The following SPTLC2 variants were observed in gnomAD, a reference collection of about 807,000 sequenced individuals.
SPTLC2 encodes the protein serine palmitoyltransferase 2.
Under a neutral mutation model 62.0 loss-of-function variants are expected in SPTLC2, and 21 were observed. That is an observed-to-expected ratio of 0.34 (90% CI 0.24 to 0.49). SPTLC2 has a LOEUF of 0.49. Among genes scored for constraint, SPTLC2 ranks in the 20% least tolerant of loss-of-function variants. The probability of loss-of-function intolerance (pLI) is 0.99; values close to 1 mark genes in which losing one functional copy is unlikely to be tolerated. For missense variants in SPTLC2, 511 were observed against 713.0 expected (o/e 0.72, Z 3.23); for synonymous variants, 261 against 261.8 (o/e 1.00, Z 0.03).
At chr14:77,616,043 C>T (rs2079964790) in intron 1 of SPTLC2, among the ~76,000 whole-genome samples, 1 of 152,226 alleles carries the variant, frequency 6.6e-6, no homozygotes, top group African/African-American at 2.4e-5. Context: ...CTTTGGACGA[C>T]TGCAGGACTT....
At chr14:77,611,160 G>A (rs573525358) in intron 1 of SPTLC2, among the ~76,000 whole-genome samples, 18 of 143,032 alleles carry the variant, frequency 1.3e-4, no homozygotes, top group South Asian at 4.4e-4. Context: ...AAAATTAGCC[G>A]GGTGTGTTGG....
At chr14:77,610,460 T>A (rs942288181) in intron 1 of SPTLC2, among the ~76,000 whole-genome samples, 1 of 152,096 alleles carries the variant, frequency 6.6e-6, no homozygotes, top group Admixed American at 6.6e-5. Context: ...TATTATTTTT[T>A]AATTAAATAG....
At chr14:77,545,474 G>C (rs903626806) in intron 9 of SPTLC2, among the ~76,000 whole-genome samples, 35 of 152,076 alleles carry the variant, frequency 2.3e-4, no homozygotes, top group Non-Finnish European at 1.5e-4. Flanking sequence ...TCGCCATGTT[G>C]GTCAGGCTGG....
intron 1 of SPTLC2, among the ~76,000 whole-genome samples, chr14:77,609,332 C>A (rs1284642567): frequency 6.6e-6 from 1 of 152,188 alleles, no homozygotes; most frequent in Non-Finnish European, 1.5e-5. Context: ...TGTATTAGTA[C>A]TGCATTCCTT....
intron 9 of SPTLC2, among the ~76,000 whole-genome samples, chr14:77,535,218 C>T (rs2079463159): frequency 6.6e-6 from 1 of 152,298 alleles, no homozygotes; most frequent in Non-Finnish European, 1.5e-5. Flanking sequence ...TGAGCCACCA[C>T]ACCCAGCCCC....
intron 5 of SPTLC2, among the ~76,000 whole-genome samples, chr14:77,567,240 G>A (rs1566782578): frequency 1.3e-5 from 2 of 152,200 alleles, no homozygotes; most frequent in Admixed American, 6.5e-5. Flanking sequence ...ACAGGCGTGA[G>A]CCACTGCGCC....
In SPTLC2 at chr14:77,525,349, T is replaced by C. The variant is rs184323096; in HGVS notation, c.1304-3768A>G. On this transcript the variant is annotated intron_variant, in intron 9 of 11. Transcript: ENST00000216484. ...GCTCACGCCTGTAATCCCAGCACTT[T>C]GGGAGGCCCAGACAGGCGGACCACC... Among the ~76,000 whole-genome samples the C allele has an allele frequency of 3.3e-4, 50 of 152,118 alleles. No individual in the cohort carries two copies. In the East Asian group the frequency reaches 7.4e-3, roughly 22 times the overall value.
chr14:77,521,610 A>G (rs760358587), intron 9 of SPTLC2, 29 bp from the exon 10 acceptor site: 1 of 1,604,308 alleles, frequency 6.2e-7, no homozygotes, highest in Non-Finnish European at 8.5e-7. Flanking sequence ...AGAAAACAAA[A>G]TAATCCTAAG....
chr14:77,562,288 T>C (rs969911911), intron 6 of SPTLC2, 108 bp downstream of exon 6: 2 of 971,266 alleles, frequency 2.1e-6, no homozygotes, highest in Non-Finnish European at 3.3e-6. Flanking sequence ...TGTTGCTACT[T>C]TGTCTTCATT....
intron 9 of SPTLC2, among the ~76,000 whole-genome samples, chr14:77,535,173 C>A (rs778617345): frequency 6.6e-6 from 1 of 152,228 alleles, no homozygotes; most frequent in Admixed American, 6.5e-5. Context: ...GTGATCTGCC[C>A]GCCTCGGCCT....
chr14:77,570,392 C>G lies in SPTLC2; in HGVS notation c.748G>C (p.Val250Leu), dbSNP rs753752297. ...ATNSMNIPAL[V>L]GKGCLILSDE... ...ATGACAGAGTATCTTACTTTGCCAA[C>G]AAGAGCAGGAATGTTCATTGAATTC... The change falls in exon 5 of 12, where the codon GTT becomes CTT. Residue 250 changes from valine to leucine, a missense_variant. Transcript: ENST00000216484. 8 of 1,613,218 alleles carry G rather than the reference C, an allele frequency of 5.0e-6. No individual in the cohort carries two copies. The highest frequency in any genetic ancestry group is 6.8e-6 in the Non-Finnish European group (8 of 1,179,988).
At chr14:77,544,717 T>G (rs1835098119) in intron 9 of SPTLC2, among the ~76,000 whole-genome samples, 1 of 152,228 alleles carries the variant, frequency 6.6e-6, no homozygotes. Flanking sequence ...GTCAGGCTCC[T>G]CTTGGAGTCC....
rs539376344 is a variant in SPTLC2 at position 77,518,116 on chromosome 14, T to C, written c.1491A>G (p.Gly497=). 10 of 1,614,000 alleles carry C rather than the reference T, an allele frequency of 6.2e-6. No homozygotes were observed. Among genetic ancestry groups the C allele is most frequent in the Non-Finnish European group, 8.5e-6 (10 of 1,180,004 alleles). ...LKRNIGVVVV[G]FPATPIIESR... ...ACTCAATAATTGGGGTGGCAGGAAA[T>C]CCAACCACAACGACACCGATGTTCC... The change falls in exon 11 of 12, where the codon GGA becomes GGG. Residue 497 remains glycine (G), a synonymous_variant. Transcript: ENST00000216484.
At chr14:77,558,925 T>C (rs993673584) in intron 6 of SPTLC2, among the ~76,000 whole-genome samples, 22 of 152,286 alleles carry the variant, frequency 1.4e-4, no homozygotes, top group Admixed American at 2.6e-4. Context: ...GAGCAATGTA[T>C]GGCGATCAGC....
chr14:77,616,351 G>A, intron 1 of SPTLC2, 97 bp downstream of exon 1: 2 of 739,524 alleles, frequency 2.7e-6, no homozygotes, highest in Non-Finnish European at 3.6e-6. Flanking sequence ...CCGCCCCGCG[G>A]ATTGCCCAGC....
Position 77,506,828 on chromosome 14 carries a change from T to C in SPTLC2, c.*5456A>G, listed in dbSNP as rs1460644284. 6.6e-6 allele frequency: 1 copy of C among 152,248 alleles called. No individual in the cohort carries two copies. The highest frequency in any genetic ancestry group is 1.9e-4 in the East Asian group (1 of 5,198). The allele number at this position is 152,248 out of a possible 1,614,324, so 9.4% of individuals were successfully genotyped here. ...AAGCATAAGATCAAGGTACTGCTCT[T>C]ATCTGCACCTTTCATTCAAGCTCCC... On this transcript the variant is annotated 3_prime_UTR_variant, in exon 12 of 12. Transcript: ENST00000216484.
chr14:77,544,761 T>C (rs368235629), intron 9 of SPTLC2, among the ~76,000 whole-genome samples: 3 of 152,310 alleles, frequency 2.0e-5, no homozygotes, highest in African/African-American at 7.2e-5. Context: ...CGCCTCCTTC[T>C]CCATTCTTGC....
intron 6 of SPTLC2, among the ~76,000 whole-genome samples, chr14:77,559,670 G>A (rs970584877): frequency 1.3e-5 from 2 of 152,086 alleles, no homozygotes; most frequent in Non-Finnish European, 2.9e-5. Context: ...CAGCAGGATC[G>A]TTTCAGCCTA....
rs1555373703 is a variant in SPTLC2, at chr14:77,529,620, C to CTTTCTTTTTTTTTTTTTTTTTTTTTTTTT, written c.1304-8040_1304-8039insAAAAAAAAAAAAAAAAAAAAAAAAAGAAA. Among the ~76,000 whole-genome samples the CTTTCTTTTTTTTTTTTTTTTTTTTTTTTT allele has an allele frequency of 1.1e-3, 82 of 76,062 alleles. 5 individuals carry two copies. Among genetic ancestry groups the CTTTCTTTTTTTTTTTTTTTTTTTTTTTTT allele is most frequent in the East Asian group, 8.0e-3 (11 of 1,370 alleles). 49.9% of individuals were successfully genotyped at this position (76,062 alleles called of 152,430 possible). ...TTCTAGGAAAGCAATTTCTTTCTTT[C>CTTTCTTTTTTTTTTTTTTTTTTTTTTTTT]TTTTTTTTTTTTTTTTTTTTTTGAG... On this transcript the variant is annotated intron_variant, in intron 9 of 11. Coordinates refer to ENST00000216484, the MANE Select transcript of SPTLC2 (RefSeq NM_004863.4).
Sources: gnomAD v4.1 joint callset for allele counts (sites outside exome capture counted in the v4.1 genomes callset) on GRCh38, gnomAD v4.1.1 for gene constraint, MANE v1.5 for transcripts, NCBI Gene and HGNC (gene_info 2026-07-23, HGNC 2026-07-21) for gene names.